Variants in CA10 observed in about 807,000 individuals in gnomAD.
The protein encoded by CA10 is carbonic anhydrase 10 (inactive), also known as carbonic anhydrase-related protein 10.
Under a neutral mutation model 44.2 loss-of-function variants are expected in CA10, and 14 were observed. The ratio of observed to expected loss-of-function variants is 0.32; its 90% CI spans 0.21 to 0.50. The LOEUF (loss-of-function observed/expected upper bound fraction) is 0.50, where lower values mean the gene tolerates loss of function less well. Among genes scored for constraint, CA10 ranks in the 20% least tolerant of loss-of-function variants. The pLI, the probability that CA10 is intolerant of heterozygous loss-of-function variation, is 0.99. For synonymous variants in CA10, 159 were observed against 141.6 expected (o/e 1.12, Z -0.87); for missense variants, 350 against 409.7 (o/e 0.85, Z 1.26).
At chr17:51,898,979 T>C (rs1981194768) in intron 3 of CA10, among the ~76,000 whole-genome samples, 1 of 152,014 alleles carries the variant, frequency 6.6e-6, no homozygotes, top group African/African-American at 2.4e-5. Context: ...GTCAATCTTA[T>C]TTGTTCTTTC....
At chr17:51,764,026 T>TA (rs200571580) in intron 3 of CA10, among the ~76,000 whole-genome samples, 5,931 of 127,548 alleles carry the variant, frequency 0.047, 300 homozygotes, top group African/African-American at 0.14. Flanking sequence ...ACCATGAAAG[T>TA]AAAAAAAAAA....
intron 2 of CA10, among the ~76,000 whole-genome samples, chr17:52,040,462 A>C (rs533837469): frequency 1.3e-5 from 2 of 152,194 alleles, no homozygotes; most frequent in African/African-American, 4.8e-5. Flanking sequence ...TCATTAAAGA[A>C]ACTTTCATTT....
chr17:51,989,410 T>C (rs1004799316), intron 2 of CA10, among the ~76,000 whole-genome samples: 1 of 152,040 alleles, frequency 6.6e-6, no homozygotes, highest in African/African-American at 2.4e-5. Flanking sequence ...AGTGAGAACA[T>C]GTGGTATTTG....
chr17:52,119,153 G>A (rs1988959147), intron 1 of CA10, among the ~76,000 whole-genome samples: 1 of 147,214 alleles, frequency 6.8e-6, no homozygotes, highest in Non-Finnish European at 1.5e-5. Flanking sequence ...GTACAATTCT[G>A]TGACAAAATT....
At chr17:51,877,629 A>C (rs998955673) in intron 3 of CA10, among the ~76,000 whole-genome samples, 2 of 152,176 alleles carry the variant, frequency 1.3e-5, no homozygotes, top group Admixed American at 1.3e-4. Context: ...TGACCACCTG[A>C]TCATCAGGTG....
chr17:52,044,198 T>C (rs1441009720), intron 2 of CA10, among the ~76,000 whole-genome samples: 4 of 152,270 alleles, frequency 2.6e-5, no homozygotes, highest in Admixed American at 2.0e-4. Flanking sequence ...TTGTCTTTGA[T>C]AAGAGGTTTT....
At chr17:52,047,684 T>C (rs1011911035) in intron 2 of CA10, among the ~76,000 whole-genome samples, 1 of 151,938 alleles carries the variant, frequency 6.6e-6, no homozygotes, top group Non-Finnish European at 1.5e-5. Context: ...GCAGCTTTCC[T>C]TCCAGAGTTT....
At chr17:52,001,245 C>G (rs560322593) in intron 2 of CA10, among the ~76,000 whole-genome samples, 1 of 152,056 alleles carries the variant, frequency 6.6e-6, no homozygotes, top group South Asian at 2.1e-4. Flanking sequence ...GCAACAGAGG[C>G]CTGTGTGGCT....
At chr17:52,085,036 G>T (rs1988082767) in intron 1 of CA10, among the ~76,000 whole-genome samples, 1 of 152,156 alleles carries the variant, frequency 6.6e-6, no homozygotes, top group Non-Finnish European at 1.5e-5. Context: ...GATAGAAAGA[G>T]CTGGGATCCC....
intron 3 of CA10, among the ~76,000 whole-genome samples, chr17:51,749,375 G>A (rs780482384): frequency 1.1e-4 from 16 of 152,160 alleles, no homozygotes; most frequent in Admixed American, 2.0e-4. Flanking sequence ...TCACTTCTTC[G>A]TGGAGCCGTG....
At chr17:51,887,262 T>C (rs558636251) in intron 3 of CA10, among the ~76,000 whole-genome samples, 2 of 151,628 alleles carry the variant, frequency 1.3e-5, no homozygotes, top group East Asian at 3.9e-4. Flanking sequence ...CCCCCTCCAA[T>C]AGAACTGCTC....
At chr17:51,907,243 A>T (rs1981595506) in intron 3 of CA10, among the ~76,000 whole-genome samples, 1 of 151,928 alleles carries the variant, frequency 6.6e-6, no homozygotes. Context: ...ATGGTCTTTG[A>T]GCAGCTGTTC....
At chr17:52,108,137 A>G (rs1988699573) in intron 1 of CA10, among the ~76,000 whole-genome samples, 1 of 148,354 alleles carries the variant, frequency 6.7e-6, no homozygotes, top group South Asian at 2.1e-4. Context: ...TTTGCTTTTT[A>G]AAAATCAATA....
intron 1 of CA10, among the ~76,000 whole-genome samples, chr17:52,123,513 A>G (rs1457220587): frequency 1.3e-5 from 2 of 152,168 alleles, no homozygotes; most frequent in African/African-American, 2.4e-5. Context: ...CAAATCAGCT[A>G]TGGCAAACAA....
chr17:51,733,991 G>C (rs887011845), intron 4 of CA10, among the ~76,000 whole-genome samples: 15 of 151,918 alleles, frequency 9.9e-5, no homozygotes, highest in Non-Finnish European at 1.9e-4. Context: ...TGGGGTTTGT[G>C]TGTGTGAAAG....
chr17:52,085,507 C>G lies in CA10; in HGVS notation c.62-13114G>C, dbSNP rs147088370. Among the ~76,000 whole-genome samples, 772 of 152,294 alleles carry G rather than the reference C, an allele frequency of 5.1e-3. 10 individuals are homozygous for G. Among genetic ancestry groups the G allele is most frequent in the Admixed American group, 0.046 (703 of 15,300 alleles). On this transcript the variant is annotated intron_variant, in intron 1 of 8. Transcript: ENST00000451037. ...CATCTTTCAAGTCTCTCTGCAAAGC[C>G]CTTCAATGACTCCCTATTGGTTACA...
At chr17:51,961,729 A>C (rs539401581) in intron 2 of CA10, among the ~76,000 whole-genome samples, 1 of 152,334 alleles carries the variant, frequency 6.6e-6, no homozygotes, top group African/African-American at 2.4e-5. Flanking sequence ...TTGAAAGATA[A>C]AAACTACCAA....
At chr17:51,844,650 T>C (rs748154900) in intron 3 of CA10, among the ~76,000 whole-genome samples, 2 of 152,200 alleles carry the variant, frequency 1.3e-5, no homozygotes, top group Non-Finnish European at 2.9e-5. Context: ...GACTAGAAAG[T>C]CCCAGCATAA....
intron 3 of CA10, among the ~76,000 whole-genome samples, chr17:51,784,474 G>A (rs1906182487): frequency 6.6e-6 from 1 of 152,170 alleles, no homozygotes; most frequent in Non-Finnish European, 1.5e-5. Flanking sequence ...CTGTCTGAAT[G>A]GATTTTTTAT....
Sources: allele counts gnomAD v4.1 joint callset (sites outside exome capture counted in the v4.1 genomes callset), GRCh38; gene constraint gnomAD v4.1.1; transcripts MANE v1.5; gene names NCBI Gene and HGNC (gene_info 2026-07-23, HGNC 2026-07-21).